Variants in EHD1 observed in about 807,000 individuals in gnomAD.
The protein encoded by EHD1 is EH domain-containing protein 1.
A neutral mutation model predicts 39.0 loss-of-function variants in EHD1; 19 were observed. The ratio of observed to expected loss-of-function variants is 0.49; its 90% CI spans 0.34 to 0.72. The LOEUF is 0.72. EHD1 is among the 30% of genes least tolerant of loss of function. EHD1 has a pLI of 0.01. For synonymous variants in EHD1, 323 were observed against 331.2 expected, an observed-to-expected ratio of 0.98 and a Z score of 0.27; for missense variants, 542 against 751.5, an observed-to-expected ratio of 0.72 and a Z score of 3.26.
intron 1 of EHD1, among the ~76,000 whole-genome samples, chr11:64,876,633 C>T (rs1423111249): frequency 6.6e-6 from 1 of 152,244 alleles, no homozygotes; most frequent in Non-Finnish European, 1.5e-5. Context: ...ATCAGCCAGA[C>T]CCTCTGAACC....
At chr11:64,860,406 C>A (rs1037526774) in intron 2 of EHD1, 70 bp from the exon 3 acceptor site, 12 of 1,527,352 alleles carry the variant, frequency 7.9e-6, no homozygotes, top group African/African-American at 4.1e-5. Flanking sequence ...TCATCTCCAA[C>A]CTGGCCTGGT....
In EHD1 at chr11:64,854,159, C is replaced by T. The variant is rs1212158209; in HGVS notation, c.*174G>A. 64 of 1,127,370 alleles carry T rather than the reference C, an allele frequency of 5.7e-5. No homozygotes were observed. In the East Asian group the frequency reaches 1.6e-3, roughly 29 times the overall value. 69.8% of individuals were successfully genotyped at this position (1,127,370 alleles called of 1,614,324 possible). A position where few individuals can be genotyped will look rare whatever the true frequency, so the allele number is the denominator to read the frequency against. ...CACAATTCCATCCTCTCACCCCTGC[C>T]TCCCCCGCCAGGCCCAGGAACAGCC... On this transcript the variant is annotated 3_prime_UTR_variant, in exon 5 of 5. Coordinates refer to ENST00000320631, the MANE Select transcript of EHD1 (RefSeq NM_006795.4).
At chr11:64,860,926 A>G (rs1215913619) in intron 2 of EHD1, among the ~76,000 whole-genome samples, 2 of 150,550 alleles carry the variant, frequency 1.3e-5, no homozygotes, top group South Asian at 2.1e-4. Context: ...AGGCTGAGGC[A>G]GGAGAATTGC....
At chr11:64,855,520 T>C (rs1943641607) in intron 3 of EHD1, 34 bp from the exon 4 acceptor site, 1 of 1,610,882 alleles carries the variant, frequency 6.2e-7, no homozygotes. Flanking sequence ...GGCGCTCTCT[T>C]GGCCCAGGCT....
At chr11:64,873,156 G>T (rs549721748) in intron 2 of EHD1, among the ~76,000 whole-genome samples, 2 of 152,332 alleles carry the variant, frequency 1.3e-5, no homozygotes, top group South Asian at 4.1e-4. Context: ...TCCTGAACCA[G>T]ATCTTCAAAA....
chr11:64,869,789 T>C (rs1349266767), intron 2 of EHD1, among the ~76,000 whole-genome samples: 6 of 152,284 alleles, frequency 3.9e-5, no homozygotes, highest in African/African-American at 1.2e-4. Flanking sequence ...GAGCATTTGA[T>C]GGTCTTCGGA....
chr11:64,860,834 A>T (rs1365733052), intron 2 of EHD1, among the ~76,000 whole-genome samples: 1 of 152,124 alleles, frequency 6.6e-6, no homozygotes, highest in Non-Finnish European at 1.5e-5. Flanking sequence ...AGCCTGGCCA[A>T]CATAGTGAAG....
intron 4 of EHD1, 21 bp downstream of exon 4, chr11:64,855,301 G>A (rs191094235): frequency 2.5e-6 from 4 of 1,611,018 alleles, no homozygotes; most frequent in East Asian, 4.5e-5. Context: ...CAGCCTGCAT[G>A]GGGCCTCGGG....
intron 2 of EHD1, among the ~76,000 whole-genome samples, chr11:64,863,592 G>A (rs1247631746): frequency 6.6e-6 from 1 of 152,224 alleles, no homozygotes; most frequent in African/African-American, 2.4e-5. Context: ...GCACCACAGG[G>A]TGTGCGGAGT....
In EHD1 at chr11:64,878,557, G is replaced by T; in HGVS notation, c.-93C>A. ...CCGAGGCGGGGCCGGCCGGGGCAGGGAATCGGGAGCGACCCACACTGCGCA... is the reference window on the plus strand; with the variant it reads ...CCGAGGCGGGGCCGGCCGGGGCAGGTAATCGGGAGCGACCCACACTGCGCA... On this transcript the variant is annotated 5_prime_UTR_variant, in exon 1 of 5. Transcript: ENST00000320631. 6.8e-7 allele frequency: 1 copy of T among 1,467,410 alleles called. No homozygotes were observed. The highest frequency in any genetic ancestry group is 9.0e-7 in the Non-Finnish European group (1 of 1,113,570). The allele number at this position is 1,467,410 out of a possible 1,614,324, so 90.9% of individuals were successfully genotyped here. A position where few individuals can be genotyped will look rare whatever the true frequency, so the allele number is the denominator to read the frequency against.
chr11:64,855,825 G>A (rs561095749), intron 3 of EHD1: 4 of 330,614 alleles, frequency 1.2e-5, no homozygotes, highest in African/African-American at 2.1e-5. Flanking sequence ...GCAATTTGTC[G>A]TGTACCACTG....
At chr11:64,855,124 T>G (rs372406945) in intron 4 of EHD1, 198 bp downstream of exon 4, 4 of 953,586 alleles carry the variant, frequency 4.2e-6, no homozygotes, top group Non-Finnish European at 6.1e-6. Flanking sequence ...CCACGCAGGG[T>G]GAGTCACCAC....
At chr11:64,866,498 A>G (rs536278572) in intron 2 of EHD1, among the ~76,000 whole-genome samples, 1 of 152,168 alleles carries the variant, frequency 6.6e-6, no homozygotes, top group South Asian at 2.1e-4. Context: ...CCTGGGTAAC[A>G]TAGCGAGACC....
chr11:64,878,568 G>T lies in EHD1; in HGVS notation c.-104C>A. ...CCGGCCGGGGCAGGGAATCGGGAGC[G>T]ACCCACACTGCGCAGGCGCACAGCC... On this transcript the variant is annotated 5_prime_UTR_variant, in exon 1 of 5. Coordinates refer to ENST00000320631, the MANE Select transcript of EHD1 (RefSeq NM_006795.4). 2 of 1,456,164 alleles carry T rather than the reference G, an allele frequency of 1.4e-6. No individual in the cohort carries two copies. Among genetic ancestry groups the T allele is most frequent in the Non-Finnish European group, 1.8e-6 (2 of 1,109,324 alleles). The allele number at this position is 1,456,164 out of a possible 1,614,324, so 90.2% of individuals were successfully genotyped here. A position where few individuals can be genotyped will look rare whatever the true frequency, so the allele number is the denominator to read the frequency against.
intron 2 of EHD1, among the ~76,000 whole-genome samples, chr11:64,872,595 CT>C (rs35705383): frequency 0.21 from 30,214 of 145,512 alleles, 3,473 homozygotes; most frequent in East Asian, 0.38. Context: ...CTAGCCCTCG[CT>C]TTTTTTTTTT....
chr11:64,860,309 C>A lies in EHD1; in HGVS notation c.530G>T (p.Trp177Leu). 1 of 1,612,808 alleles carries A rather than the reference C, an allele frequency of 6.2e-7. No homozygotes were observed. The highest frequency in any genetic ancestry group is 8.5e-7 in the Non-Finnish European group (1 of 1,179,184). ...GATGCGGTCCACACGCTCCGCGAAC[C>A]ACTCCAGGACGGCTGCAAAGTCATA... ...RGYDFAAVLEWFAERVDRIIL... is the reference protein window; with the variant it reads ...RGYDFAAVLELFAERVDRIIL... The change falls in exon 3 of 5, where the codon TGG becomes TTG. Residue 177 changes from tryptophan (W) to leucine (L), a missense_variant. Physicochemically the swap from Trp to Leu is moderately conservative, Grantham distance 61 (BLOSUM62 -2). Transcript: ENST00000320631.
rs1565714568 is a variant in EHD1 at position 64,854,302 on chromosome 11, GTGCAAA to G, written c.*25_*30del. 6.4e-7 allele frequency: 1 copy of G among 1,570,290 alleles called. No individual in the cohort carries two copies. Among genetic ancestry groups the G allele is most frequent in the South Asian group, 1.1e-5 (1 of 87,666 alleles). ...CCCCGTCTCTGCCTCCCGGCCGGGC[GTGCAAA>G]TGGCAGGTGCGGGGCCGGGCGCCAT... On this transcript the variant is annotated 3_prime_UTR_variant, in exon 5 of 5. Coordinates refer to ENST00000320631, the MANE Select transcript of EHD1 (RefSeq NM_006795.4).
chr11:64,878,779 C>T (rs1943921512), upstream of EHD1: 1 of 1,249,844 alleles, frequency 8.0e-7, no homozygotes, highest in Non-Finnish European at 1.0e-6. Flanking sequence ...ACCCCGCCCC[C>T]ATTGGCTGAT....
chr11:64,878,679 G>T (rs986931839), upstream of EHD1: 3 of 1,351,790 alleles, frequency 2.2e-6, no homozygotes, highest in African/African-American at 4.6e-5. Flanking sequence ...GGCGGCTAGC[G>T]CCGCCGCGGC....
Sources: allele counts gnomAD v4.1 joint callset (sites outside exome capture counted in the v4.1 genomes callset), GRCh38; gene constraint gnomAD v4.1.1; transcripts MANE v1.5; gene names NCBI Gene and HGNC (gene_info 2026-07-23, HGNC 2026-07-21).